The following DCLK1 variants were observed in gnomAD, a reference collection of about 807,000 sequenced individuals.
The protein encoded by DCLK1 is serine/threonine-protein kinase DCLK1.
Under a neutral mutation model 86.2 loss-of-function variants are expected in DCLK1, and 16 were observed. The ratio of observed to expected loss-of-function variants is 0.19; its 90% CI spans 0.13 to 0.28. The LOEUF (loss-of-function observed/expected upper bound fraction) is 0.28. Among genes scored for constraint, DCLK1 ranks in the 10% least tolerant of loss-of-function variants. The probability of loss-of-function intolerance (pLI) is 1.00; values close to 1 mark genes in which losing one functional copy is unlikely to be tolerated. For missense variants in DCLK1, 590 were observed against 940.2 expected (o/e 0.63, Z 4.87); for synonymous variants, 369 against 370.5 (o/e 1.00, Z 0.05).
chr13:36,037,040 C>T (rs1882529324), intron 3 of DCLK1, among the ~76,000 whole-genome samples: 1 of 152,088 alleles, frequency 6.6e-6, no homozygotes, highest in Non-Finnish European at 1.5e-5. Context: ...CACACACACA[C>T]AGTGGAATAT....
intron 3 of DCLK1, among the ~76,000 whole-genome samples, chr13:35,991,836 C>T (rs1229618667): frequency 6.6e-6 from 1 of 152,148 alleles, no homozygotes; most frequent in African/African-American, 2.4e-5. Context: ...GAGCTTGAAA[C>T]TGCCTACCCT....
At chr13:36,055,084 C>T (rs914039700) in intron 3 of DCLK1, among the ~76,000 whole-genome samples, 7 of 152,002 alleles carry the variant, frequency 4.6e-5, no homozygotes, top group African/African-American at 7.2e-5. Context: ...TCACTGGGTT[C>T]GCTGAAAAGG....
chr13:35,849,067 T>C (rs1870417959), intron 6 of DCLK1: 1 of 985,234 alleles, frequency 1.0e-6, no homozygotes, highest in African/African-American at 1.7e-5. Context: ...GCCAGAGAAG[T>C]GTCTTTCTCT....
intron 11 of DCLK1, among the ~76,000 whole-genome samples, chr13:35,811,529 T>C (rs1038954327): frequency 2.6e-5 from 4 of 152,156 alleles, no homozygotes; most frequent in African/African-American, 7.2e-5. Flanking sequence ...ATAATCTCTT[T>C]GTTTCAATAT....
intron 1 of DCLK1, among the ~76,000 whole-genome samples, chr13:36,126,805 TCAAA>T (rs1463764252): frequency 6.6e-6 from 1 of 152,208 alleles, no homozygotes; most frequent in Non-Finnish European, 1.5e-5. Flanking sequence ...TCATCAGGCT[TCAAA>T]CAGATATTAT....
chr13:35,905,218 C>T (rs1283489451), intron 4 of DCLK1, among the ~76,000 whole-genome samples: 1 of 152,216 alleles, frequency 6.6e-6, no homozygotes, highest in East Asian at 1.9e-4. Flanking sequence ...CAGTCTTACC[C>T]TCCAGCCAGC....
intron 3 of DCLK1, among the ~76,000 whole-genome samples, chr13:35,951,987 A>C (rs1405663485): frequency 6.6e-6 from 1 of 152,184 alleles, no homozygotes; most frequent in African/African-American, 2.4e-5. Context: ...AACAGAGCCC[A>C]GCTTCTGAGT....
chr13:36,080,220 C>T (rs979817930), intron 3 of DCLK1, among the ~76,000 whole-genome samples: 1 of 152,076 alleles, frequency 6.6e-6, no homozygotes, highest in Non-Finnish European at 1.5e-5. Flanking sequence ...GAGAGCAAGG[C>T]CTAGCTTGTG....
At chr13:35,811,944 G>A (rs748355425) in intron 11 of DCLK1, among the ~76,000 whole-genome samples, 4 of 151,998 alleles carry the variant, frequency 2.6e-5, no homozygotes, top group Non-Finnish European at 5.9e-5. Flanking sequence ...TTTTCAACAT[G>A]ATCTATTTAC....
chr13:35,794,276 C>T (rs981563528), intron 15 of DCLK1, among the ~76,000 whole-genome samples: 1 of 152,216 alleles, frequency 6.6e-6, no homozygotes, highest in African/African-American at 2.4e-5. Flanking sequence ...ATAGAATCTC[C>T]AGGTCTTAGC....
intron 3 of DCLK1, among the ~76,000 whole-genome samples, chr13:36,079,536 G>A (rs1166527876): frequency 1.3e-5 from 2 of 152,098 alleles, no homozygotes; most frequent in Non-Finnish European, 2.9e-5. Flanking sequence ...GGAGGCTGAG[G>A]CAGGAGAATT....
chr13:35,910,271 G>A (rs898928260), intron 4 of DCLK1, among the ~76,000 whole-genome samples: 9 of 152,192 alleles, frequency 5.9e-5, no homozygotes, highest in African/African-American at 2.2e-4. Flanking sequence ...ACTCTGCAGC[G>A]ATTGAGGAGA....
intron 7 of DCLK1, among the ~76,000 whole-genome samples, chr13:35,838,072 A>AAAAAAAAAAAAAAAAAAAAAG (rs1555343219): frequency 4.0e-5 from 6 of 149,926 alleles, no homozygotes; most frequent in African/African-American, 1.5e-4. Context: ...TCTCAAAAAA[A>AAAAAAAAAAAAAAAAAAAAAG]AAAAGAAAAG....
intron 15 of DCLK1, among the ~76,000 whole-genome samples, chr13:35,800,700 C>G (rs147980244): frequency 4.3e-4 from 66 of 152,022 alleles, no homozygotes; most frequent in African/African-American, 1.5e-3. Context: ...GTCTACCTTT[C>G]CTTTTTCTTT....
intron 3 of DCLK1, among the ~76,000 whole-genome samples, chr13:36,034,929 G>A (rs1427055260): frequency 1.3e-5 from 2 of 152,152 alleles, no homozygotes; most frequent in African/African-American, 2.4e-5. Context: ...TTATAAAAGC[G>A]GAAAGGCTTA....
At chr13:36,050,095 C>G (rs1883070384) in intron 3 of DCLK1, among the ~76,000 whole-genome samples, 1 of 152,130 alleles carries the variant, frequency 6.6e-6, no homozygotes, top group Admixed American at 6.5e-5. Context: ...CACGCCAGCT[C>G]CAGCACATAG....
chr13:35,858,054 G>A (rs1243663962), intron 5 of DCLK1, among the ~76,000 whole-genome samples: 1 of 152,194 alleles, frequency 6.6e-6, no homozygotes, highest in East Asian at 1.9e-4. Flanking sequence ...AGGCGCCACA[G>A]GATCAGGCTT....
At chr13:36,037,185 TA>T (rs200393168) in intron 3 of DCLK1, among the ~76,000 whole-genome samples, 3 of 151,038 alleles carry the variant, frequency 2.0e-5, no homozygotes, top group African/African-American at 2.4e-5. Flanking sequence ...GTGGAAGCTT[TA>T]AAAAAAAATG....
chr13:35,945,255 C>A (rs952433655), intron 4 of DCLK1, among the ~76,000 whole-genome samples: 1 of 152,174 alleles, frequency 6.6e-6, no homozygotes, highest in African/African-American at 2.4e-5. Flanking sequence ...AGGGGCAGTG[C>A]ACCTACTCTA....
Sources: allele counts gnomAD v4.1 joint callset (sites outside exome capture counted in the v4.1 genomes callset), GRCh38; gene constraint gnomAD v4.1.1; transcripts MANE v1.5; gene names NCBI Gene and HGNC (gene_info 2026-07-23, HGNC 2026-07-21).